Variants in BIRC3 observed in about 807,000 individuals in gnomAD.
The protein encoded by BIRC3 is baculoviral IAP repeat containing 3.
In BIRC3, 26 loss-of-function variants were observed where a neutral mutation model predicts 59.0. That is an observed-to-expected ratio of 0.44 (90% CI 0.32 to 0.61). The LOEUF is 0.61. Among genes scored for constraint, BIRC3 ranks in the 20% least tolerant of loss-of-function variants. The pLI is 0.04. For synonymous variants in BIRC3, 243 were observed against 249.2 expected, an observed-to-expected ratio of 0.98 and a Z score of 0.24; for missense variants, 641 against 711.5, an observed-to-expected ratio of 0.90 and a Z score of 1.13.
Position 102,336,767 on chromosome 11 carries a change from G to T in BIRC3, c.1587G>T (p.Gln529His). 1.2e-6 allele frequency: 2 copies of T among 1,607,368 alleles called. No individual in the cohort carries two copies. Among genetic ancestry groups the T allele is most frequent in the Non-Finnish European group, 1.7e-6 (2 of 1,176,808 alleles). Residue 529 changes from glutamine (Q) to histidine (H), a missense_variant, in exon 8 of 9, where the codon CAG (glutamine) becomes CAT (histidine). Around this residue, in one of 4 missense-constraint regions of BIRC3, gnomAD observed 268 missense variants for 255.7 expected, o/e 1.05. Coordinates refer to ENST00000263464, the MANE Select transcript of BIRC3 (RefSeq NM_001165.5). The stretch of plus-strand genomic sequence containing the variant: ...TTTCTTTTTCTCCCTTAGTGCAACA[G>T]GACATAAAATATATTCCCACAGAAG... ...AVLYEHLFVQQDIKYIPTEDV... is the reference protein window; with the variant it reads ...AVLYEHLFVQHDIKYIPTEDV...
chr11:102,337,334 A>T lies in BIRC3; in HGVS notation c.*232A>T. 1 of 405,034 alleles carries T rather than the reference A, an allele frequency of 2.5e-6. No individual in the cohort carries two copies. Among genetic ancestry groups the T allele is most frequent in the Non-Finnish European group, 4.3e-6 (1 of 230,832 alleles). The allele number at this position is 405,034 out of a possible 1,614,324, so 25.1% of individuals were successfully genotyped here. A position where few individuals can be genotyped will look rare whatever the true frequency, so the allele number is the denominator to read the frequency against. ...TGAACGAAAAAGAGGTAGCACTACAAACACAATATTCAATCAAAATTTCAG... is the reference window on the plus strand; with the variant it reads ...TGAACGAAAAAGAGGTAGCACTACATACACAATATTCAATCAAAATTTCAG... On this transcript the variant is annotated 3_prime_UTR_variant, in exon 9 of 9. Transcript: ENST00000263464.
intron 6 of BIRC3, among the ~76,000 whole-genome samples, chr11:102,331,797 T>A (rs1438694014): frequency 6.6e-6 from 1 of 152,188 alleles, no homozygotes; most frequent in Non-Finnish European, 1.5e-5. Context: ...CCTGCCACCA[T>A]GCCAGGCTAA....
At position 102,324,764 on chromosome 11, in the gene BIRC3, G is replaced by A. The variant is rs1951064302; in HGVS notation, c.255G>A (p.Lys85=). The change falls in exon 2 of 9, where the codon AAG becomes AAA. Residue 85 remains lysine (K), a synonymous_variant. Coordinates refer to ENST00000263464, the MANE Select transcript of BIRC3 (RefSeq NM_001165.5). Reference sequence around the variant, plus strand: ...AAAGAGGAGACAGTCCTACTGAAAAGCATAAAAAGTTGTATCCTAGCTGCA... The same window carrying A: ...AAAGAGGAGACAGTCCTACTGAAAAACATAAAAAGTTGTATCCTAGCTGCA... ...NWKRGDSPTE[K]HKKLYPSCRF... 6.2e-7 allele frequency: 1 copy of A among 1,614,148 alleles called. No individual in the cohort carries two copies. The highest frequency in any genetic ancestry group is 1.7e-5 in the Admixed American group (1 of 59,998).
rs777266168 is a variant in BIRC3, at chr11:102,325,395, A to G, written c.853+33A>G. 5 of 1,582,088 alleles carry G rather than the reference A, an allele frequency of 3.2e-6. No individual in the cohort carries two copies. In the South Asian group the frequency reaches 3.5e-5, roughly 11 times the overall value. ...ACTGAATCTGCTAATTAAAAAAAAT[A>G]TATTTCATTTTATACATTTTAGTGG... On this transcript the variant is annotated intron_variant, in intron 2 of 8. Transcript: ENST00000263464.
chr11:102,318,151 C>T (rs1430186042), intron 1 of BIRC3, among the ~76,000 whole-genome samples: 1 of 152,142 alleles, frequency 6.6e-6, no homozygotes, highest in Admixed American at 6.5e-5. Context: ...ACATTAAGTA[C>T]TGCTACCTGC....
At chr11:102,327,499 C>G (rs7112261) in intron 3 of BIRC3, among the ~76,000 whole-genome samples, 3,329 of 151,912 alleles carry the variant, frequency 0.022, 104 homozygotes, top group African/African-American at 0.076. Flanking sequence ...AATTAGCCGG[C>G]CATGGTGGCA....
Position 102,329,058 on chromosome 11 carries a change from T to G in BIRC3, c.1081+113T>G. ...ATATTGATTTATAATTTACGATGAA[T>G]GCATTTTCAAATATACTGTGTTGGT... On this transcript the variant is annotated intron_variant, in intron 5 of 8. Transcript: ENST00000263464. 5.4e-6 allele frequency: 3 copies of G among 553,516 alleles called. No individual in the cohort carries two copies. In the South Asian group the frequency reaches 7.7e-5, roughly 14 times the overall value. The allele number at this position is 553,516 out of a possible 1,614,324, so 34.3% of individuals were successfully genotyped here.
At position 102,337,236 on chromosome 11, in the gene BIRC3, AT is replaced by A; in HGVS notation, c.*137del. 1 of 608,518 alleles carries A rather than the reference AT, an allele frequency of 1.6e-6. No homozygotes were observed. The highest frequency in any genetic ancestry group is 2.5e-6 in the Non-Finnish European group (1 of 395,544). The allele number at this position is 608,518 out of a possible 1,614,324, so 37.7% of individuals were successfully genotyped here. A position where few individuals can be genotyped will look rare whatever the true frequency, so the allele number is the denominator to read the frequency against. ...CAAAAAACATTGTTTTGTGTAACAT[AT>A]TTATATATGTATCTAAACCATATGA... On this transcript the variant is annotated 3_prime_UTR_variant, in exon 9 of 9. Transcript: ENST00000263464.
At chr11:102,332,102 ATCTCTTAGGACAAGTTGT>A (rs1951148361) in intron 6 of BIRC3, among the ~76,000 whole-genome samples, 1 of 152,192 alleles carries the variant, frequency 6.6e-6, no homozygotes, top group Admixed American at 6.5e-5. Flanking sequence ...CTGTTTCACA[ATCTCTTAGGACAAGTTGT>A]TCATGTCCTT....
At position 102,320,563 on chromosome 11, in the gene BIRC3, C is replaced by T. The variant is rs576173080; in HGVS notation, c.-2673-1274C>T. On this transcript the variant is annotated intron_variant, in intron 1 of 8. Coordinates refer to ENST00000263464, the MANE Select transcript of BIRC3 (RefSeq NM_001165.5). Reference sequence around the variant, plus strand: ...TACAGGAGTGAGCCATGGCATGAGGCCTTGTGGGGTGTCTCTTTTAAATGA... The same window carrying T: ...TACAGGAGTGAGCCATGGCATGAGGTCTTGTGGGGTGTCTCTTTTAAATGA... Among the ~76,000 whole-genome samples the T allele has an allele frequency of 6.8e-4, 103 of 152,286 alleles. 1 individual carries two copies. Among genetic ancestry groups the T allele is most frequent in the African/African-American group, 2.4e-3 (98 of 41,560 alleles).
chr11:102,325,642 T>C, intron 3 of BIRC3, 77 bp downstream of exon 3: 7 of 1,348,656 alleles, frequency 5.2e-6, no homozygotes, highest in Non-Finnish European at 6.2e-6. Flanking sequence ...CTGAAATCAG[T>C]TGTTACTTTA....
Position 102,323,771 on chromosome 11 carries a change from A to G in BIRC3, c.-739A>G, listed in dbSNP as rs1198372618. The G allele has an allele frequency of 1.5e-5, 3 of 200,856 alleles. No individual in the cohort carries two copies. The highest frequency in any genetic ancestry group is 3.1e-5 in the Non-Finnish European group (3 of 97,680). The allele number at this position is 200,856 out of a possible 1,614,324, so 12.4% of individuals were successfully genotyped here. On this transcript the variant is annotated 5_prime_UTR_variant, in exon 2 of 9. It adds an upstream start codon to the 5' untranslated region. Transcript: ENST00000263464. ...GACTAATTGGAGAAAAATTGGGGAT[A>G]TATCATATTTCACTGAATTCAAAAT...
rs1168305204 is a variant in BIRC3 at position 102,337,793 on chromosome 11, A to G, written c.*691A>G. The G allele has an allele frequency of 8.5e-6, 2 of 235,170 alleles. No individual in the cohort carries two copies. The highest frequency in any genetic ancestry group is 5.6e-5 in the Admixed American group (1 of 17,838). The allele number at this position is 235,170 out of a possible 1,614,324, so 14.6% of individuals were successfully genotyped here. A position where few individuals can be genotyped will look rare whatever the true frequency, so the allele number is the denominator to read the frequency against. On this transcript the variant is annotated 3_prime_UTR_variant, in exon 9 of 9. Coordinates refer to ENST00000263464, the MANE Select transcript of BIRC3 (RefSeq NM_001165.5). ...GTTTAGTCACTCCCAGACTCTTTCC[A>G]TACCTTCTTAAAGCCTCTCAAATAT...
At chr11:102,318,611 C>G (rs1950998182) in intron 1 of BIRC3, among the ~76,000 whole-genome samples, 2 of 152,190 alleles carry the variant, frequency 1.3e-5, no homozygotes, top group East Asian at 1.9e-4. Flanking sequence ...CCTCCAGTGT[C>G]AGAAAAATGG....
At chr11:102,317,610 C>CGT (rs140094766) in intron 1 of BIRC3, 39 bp downstream of exon 1, 25 of 149,300 alleles carry the variant, frequency 1.7e-4, no homozygotes, top group South Asian at 4.2e-4. Context: ...TGTGTGTGTG[C>CGT]GTGTGTGTGT....
In BIRC3 at chr11:102,338,622, T is replaced by C. The variant is rs969130230; in HGVS notation, c.*1520T>C. On this transcript the variant is annotated 3_prime_UTR_variant, in exon 9 of 9. Coordinates refer to ENST00000263464, the MANE Select transcript of BIRC3 (RefSeq NM_001165.5). ...GCCTGTCTGTTCAGATTATTCTTGGTCTCTGTGCAGCATTCCTTCCTCCTG... is the reference window on the plus strand; with the variant it reads ...GCCTGTCTGTTCAGATTATTCTTGGCCTCTGTGCAGCATTCCTTCCTCCTG... 1 of 229,122 alleles carries C rather than the reference T, an allele frequency of 4.4e-6. No individual in the cohort carries two copies. 14.2% of individuals were successfully genotyped at this position (229,122 alleles called of 1,614,324 possible). A position where few individuals can be genotyped will look rare whatever the true frequency, so the allele number is the denominator to read the frequency against.
At chr11:102,328,192 CAG>C in intron 4 of BIRC3, 62 bp downstream of exon 4, 1 of 1,233,514 alleles carries the variant, frequency 8.1e-7, no homozygotes, top group African/African-American at 1.5e-5. Context: ...CTGATAATTA[CAG>C]AGAGTGCTAT....
Position 102,324,246 on chromosome 11 carries a change from A to G in BIRC3, c.-264A>G. The G allele has an allele frequency of 3.1e-6, 1 of 326,990 alleles. No individual in the cohort carries two copies. Among genetic ancestry groups the G allele is most frequent in the Non-Finnish European group, 5.5e-6 (1 of 180,876 alleles). The allele number at this position is 326,990 out of a possible 1,614,324, so 20.3% of individuals were successfully genotyped here. A position where few individuals can be genotyped will look rare whatever the true frequency, so the allele number is the denominator to read the frequency against. On this transcript the variant is annotated 5_prime_UTR_variant, in exon 2 of 9. Transcript: ENST00000263464. ...TCTTCTGTGAAGGGTTTTAATTTTC[A>G]ACACAGCTTACTCTGTAGCATCATG...
intron 6 of BIRC3, among the ~76,000 whole-genome samples, chr11:102,334,596 C>A (rs561228563): frequency 4.6e-4 from 70 of 152,280 alleles, no homozygotes; most frequent in African/African-American, 1.4e-3. Context: ...TCTCCCAAAA[C>A]AATTCTTCAG....
Sources: allele counts gnomAD v4.1 joint callset (sites outside exome capture counted in the v4.1 genomes callset), GRCh38; gene constraint gnomAD v4.1.1; regional missense constraint gnomAD v4.1.1; transcripts MANE v1.5; gene names NCBI Gene and HGNC (gene_info 2026-07-23, HGNC 2026-07-21).